Variants in GALNT14 observed in about 807,000 individuals in gnomAD.
GALNT14 encodes UDP-GalNAc:polypeptide N-acetylgalactosaminyltransferase 14.
GALNT14 carries 60 observed loss-of-function variants against 77.5 expected under a neutral mutation model. The ratio of observed to expected loss-of-function variants is 0.77; its 90% confidence interval spans 0.63 to 0.96. The LOEUF (loss-of-function observed/expected upper bound fraction) is 0.96, where lower values mean the gene tolerates loss of function less well. Among genes scored for constraint, GALNT14 ranks in the 40% least tolerant of loss-of-function variants. The pLI is 0.00. For missense variants in GALNT14, 710 were observed against 731.0 expected (o/e 0.97, Z 0.33); for synonymous variants, 280 against 281.7 (o/e 0.99, Z 0.06).
At chr2:30,939,431 T>C (rs2148273688) in intron 9 of GALNT14, among the ~76,000 whole-genome samples, 1 of 152,218 alleles carries the variant, frequency 6.6e-6, no homozygotes, top group African/African-American at 2.4e-5. Context: ...GAGGTTCTGT[T>C]GGTACCTCTG....
At chr2:31,074,157 G>C (rs1008596158) in intron 1 of GALNT14, among the ~76,000 whole-genome samples, 5 of 150,982 alleles carry the variant, frequency 3.3e-5, no homozygotes, top group African/African-American at 1.2e-4. Flanking sequence ...GACACAGACT[G>C]AAGGGAGACG....
chr2:30,944,292 A>G (rs1238352203), intron 8 of GALNT14, among the ~76,000 whole-genome samples: 5 of 152,176 alleles, frequency 3.3e-5, no homozygotes, highest in African/African-American at 4.8e-5. Flanking sequence ...TAGCCACAAT[A>G]TGCTGTGGGT....
chr2:31,009,951 T>C (rs1413645540), intron 1 of GALNT14, among the ~76,000 whole-genome samples: 1 of 152,224 alleles, frequency 6.6e-6, no homozygotes, highest in Non-Finnish European at 1.5e-5. Flanking sequence ...ATACTGCATT[T>C]GATCCCTCCA....
chr2:31,004,167 C>T (rs1670531738), intron 1 of GALNT14, among the ~76,000 whole-genome samples: 1 of 152,206 alleles, frequency 6.6e-6, no homozygotes, highest in African/African-American at 2.4e-5. Context: ...ACCAGAGCGG[C>T]AAGCTGGTCA....
At chr2:31,085,866 G>A (rs1401305223) in intron 1 of GALNT14, among the ~76,000 whole-genome samples, 1 of 152,214 alleles carries the variant, frequency 6.6e-6, no homozygotes, top group East Asian at 1.9e-4. Flanking sequence ...GTTCCACATG[G>A]CTGGGGAGGC....
chr2:31,109,334 C>T (rs1053355945), intron 1 of GALNT14, among the ~76,000 whole-genome samples: 3 of 152,234 alleles, frequency 2.0e-5, no homozygotes, highest in African/African-American at 4.8e-5. Flanking sequence ...CCACCTTTTA[C>T]TTCTCCACGA....
intron 1 of GALNT14, among the ~76,000 whole-genome samples, chr2:31,091,227 A>G (rs1676721186): frequency 6.6e-6 from 1 of 152,162 alleles, no homozygotes; most frequent in Admixed American, 6.5e-5. Flanking sequence ...GCATTTTTAA[A>G]TGGTTGAAAA....
At chr2:30,955,492 G>T in intron 6 of GALNT14, 126 bp downstream of exon 6, 1 of 1,289,034 alleles carries the variant, frequency 7.8e-7, no homozygotes, top group Non-Finnish European at 1.1e-6. Context: ...ATAAAATCGG[G>T]ACTGCGATCT....
chr2:31,005,804 C>T (rs1670637783), intron 1 of GALNT14, among the ~76,000 whole-genome samples: 1 of 152,196 alleles, frequency 6.6e-6, no homozygotes, highest in African/African-American at 2.4e-5. Context: ...AGTTTGAGCA[C>T]AGTGCCATGC....
chr2:30,947,489 T>G (rs933951612), intron 6 of GALNT14, among the ~76,000 whole-genome samples: 1 of 152,212 alleles, frequency 6.6e-6, no homozygotes, highest in African/African-American at 2.4e-5. Flanking sequence ...AAATTTCTCA[T>G]TTCTGGGTGA....
intron 6 of GALNT14, among the ~76,000 whole-genome samples, chr2:30,953,882 G>T (rs1667194695): frequency 1.3e-5 from 2 of 152,122 alleles, no homozygotes; most frequent in South Asian, 4.1e-4. Flanking sequence ...CCTCCCCATG[G>T]CATCCGGTTT....
chr2:31,083,584 C>T (rs1309215944), intron 1 of GALNT14, among the ~76,000 whole-genome samples: 3 of 152,182 alleles, frequency 2.0e-5, no homozygotes, highest in Non-Finnish European at 4.4e-5. Flanking sequence ...TTAACCTCCA[C>T]CCTATGCCCC....
intron 1 of GALNT14, among the ~76,000 whole-genome samples, chr2:31,119,511 C>T (rs12621308): frequency 0.3 from 45,966 of 151,994 alleles, 7,877 homozygotes; most frequent in Admixed American, 0.38. Flanking sequence ...AATTGGATCC[C>T]GTTTCATACT....
At chr2:31,031,685 G>GA (rs144141803) in intron 1 of GALNT14, among the ~76,000 whole-genome samples, 3,988 of 152,072 alleles carry the variant, frequency 0.026, 167 homozygotes, top group African/African-American at 0.091. Flanking sequence ...TCAATATGGA[G>GA]AAAAAAATAA....
At chr2:30,942,424 G>C in intron 8 of GALNT14, 120 bp from the exon 9 acceptor site, 1 of 685,870 alleles carries the variant, frequency 1.5e-6, no homozygotes, top group Non-Finnish European at 2.5e-6. Context: ...ACCCCATTGA[G>C]GGAAGAAAAC....
intron 6 of GALNT14, 85 bp downstream of exon 6, chr2:30,955,533 T>C: frequency 6.6e-7 from 1 of 1,519,462 alleles, no homozygotes; most frequent in Non-Finnish European, 8.8e-7. Context: ...GAACTGGGGG[T>C]TGCACATGTG....
intron 6 of GALNT14, among the ~76,000 whole-genome samples, chr2:30,954,117 A>G (rs2148313501): frequency 6.6e-6 from 1 of 152,228 alleles, no homozygotes; most frequent in Middle Eastern, 3.4e-3. Flanking sequence ...ACGAGGCCCC[A>G]CAGAGCAAGC....
chr2:31,029,644 T>C (rs1035919185), intron 1 of GALNT14, among the ~76,000 whole-genome samples: 1 of 152,138 alleles, frequency 6.6e-6, no homozygotes, highest in African/African-American at 2.4e-5. Flanking sequence ...GTCTAGGACA[T>C]GGATGTGATG....
At chr2:30,984,953 A>T in intron 2 of GALNT14, among the ~76,000 whole-genome samples, 1 of 152,112 alleles carries the variant, frequency 6.6e-6, no homozygotes, top group East Asian at 1.9e-4. Flanking sequence ...TCGTGTATTA[A>T]TTCCAAGAGC....
Sources: allele counts gnomAD v4.1 joint callset (sites outside exome capture counted in the v4.1 genomes callset), GRCh38; gene constraint gnomAD v4.1.1; transcripts MANE v1.5; gene names NCBI Gene and HGNC (gene_info 2026-07-23, HGNC 2026-07-21).